Variants in PCDHA1 observed in about 807,000 individuals in gnomAD.
PCDHA1 encodes the protein protocadherin alpha 1.
In PCDHA1, 42 loss-of-function variants were observed where a neutral mutation model predicts 61.3. That is an observed-to-expected ratio of 0.69 (90% CI 0.54 to 0.89). The LOEUF is 0.89. Among genes scored for constraint, PCDHA1 ranks in the 40% least tolerant of loss-of-function variants. The pLI, the probability that PCDHA1 is intolerant of heterozygous loss-of-function variation, is 0.00. For missense variants in PCDHA1, 1,256 were observed against 1,235.3 expected (o/e 1.02, Z -0.25); for synonymous variants, 610 against 553.8 (o/e 1.10, Z -1.43).
intron 1 of PCDHA1, among the ~76,000 whole-genome samples, chr5:140,819,460 C>A (rs898793780): frequency 6.6e-6 from 1 of 152,056 alleles, no homozygotes; most frequent in Non-Finnish European, 1.5e-5. Context: ...CAAGGAAGAA[C>A]TTCTGTTTAC....
intron 1 of PCDHA1, among the ~76,000 whole-genome samples, chr5:140,894,679 C>A (rs1227870690): frequency 6.6e-6 from 1 of 151,682 alleles, no homozygotes; most frequent in African/African-American, 2.4e-5. Context: ...TCTTGCATAG[C>A]TTTTCATTAT....
intron 1 of PCDHA1, chr5:140,854,321 C>A: frequency 3.7e-6 from 1 of 267,696 alleles, no homozygotes; most frequent in Non-Finnish European, 5.7e-6. Context: ...TGATCAATGG[C>A]AAACTTATTT....
At chr5:140,828,774 T>G (rs2150158749) in intron 1 of PCDHA1, 1 of 1,614,198 alleles carries the variant, frequency 6.2e-7, no homozygotes, top group Admixed American at 1.7e-5. Context: ...ACTGTTCAGC[T>G]GCTGGTCACA....
intron 1 of PCDHA1, chr5:140,822,238 G>A: frequency 6.2e-7 from 1 of 1,614,216 alleles, no homozygotes; most frequent in South Asian, 1.1e-5. Flanking sequence ...TCCGCTAGAG[G>A]GCGCGTCGGA....
intron 1 of PCDHA1, chr5:140,830,292 C>T (rs2150184584): frequency 1.2e-6 from 2 of 1,613,712 alleles, no homozygotes; most frequent in Non-Finnish European, 1.7e-6. Flanking sequence ...GCGTGCACGG[C>T]GGACAAGCCC....
chr5:140,985,859 C>T (rs2153837183), intron 3 of PCDHA1, among the ~76,000 whole-genome samples: 1 of 151,736 alleles, frequency 6.6e-6, no homozygotes, highest in African/African-American at 2.4e-5. Context: ...CCTGCCTCAG[C>T]CTCCTGAGTA....
At chr5:140,835,626 C>A (rs782043218) in intron 1 of PCDHA1, 2 of 1,613,880 alleles carry the variant, frequency 1.2e-6, no homozygotes. Context: ...CGCTCTGGAC[C>A]GCGAGAGTGT....
intron 1 of PCDHA1, chr5:140,851,477 T>A: frequency 1.1e-6 from 1 of 890,896 alleles, no homozygotes; most frequent in Non-Finnish European, 1.4e-6. Flanking sequence ...ATAAATGTTA[T>A]AAACACAGCC....
At chr5:140,795,338 A>C (rs1036932666) in intron 1 of PCDHA1, 2 of 1,614,196 alleles carry the variant, frequency 1.2e-6, no homozygotes, top group Non-Finnish European at 1.7e-6. Flanking sequence ...GAGGTGAAGG[A>C]CATTAACGAC....
At chr5:140,855,462 A>C (rs2043478847) in intron 1 of PCDHA1, among the ~76,000 whole-genome samples, 1 of 149,974 alleles carries the variant, frequency 6.7e-6, no homozygotes, top group Admixed American at 6.7e-5. Context: ...AACACCTCAC[A>C]GATAGTTGAT....
intron 1 of PCDHA1, chr5:140,875,686 G>A: frequency 6.2e-7 from 1 of 1,613,582 alleles, no homozygotes; most frequent in Non-Finnish European, 8.5e-7. Flanking sequence ...CAAAAGACAC[G>A]GGGACCTTCT....
intron 1 of PCDHA1, among the ~76,000 whole-genome samples, chr5:140,846,538 C>A (rs553937365): frequency 1.3e-5 from 2 of 148,384 alleles, no homozygotes; most frequent in African/African-American, 4.9e-5. Context: ...CCATGCCCTG[C>A]TAATTTTTTG....
At chr5:140,864,058 A>C (rs993804326) in intron 1 of PCDHA1, 3 of 152,692 alleles carry the variant, frequency 2.0e-5, no homozygotes, top group Non-Finnish European at 1.5e-5. Context: ...TACAGTCACC[A>C]TGAACATTCT....
At chr5:140,991,277 C>G (rs1210642530) in intron 3 of PCDHA1, among the ~76,000 whole-genome samples, 1 of 152,148 alleles carries the variant, frequency 6.6e-6, no homozygotes, top group African/African-American at 2.4e-5. Flanking sequence ...CTGCTGAACT[C>G]TATACACTTA....
At chr5:140,921,988 A>G (rs1182214376) in intron 1 of PCDHA1, among the ~76,000 whole-genome samples, 1 of 152,132 alleles carries the variant, frequency 6.6e-6, no homozygotes, top group Non-Finnish European at 1.5e-5. Flanking sequence ...ACTAAAAAAG[A>G]GTTCAATGAA....
intron 1 of PCDHA1, among the ~76,000 whole-genome samples, chr5:140,960,487 GGTTT>G: frequency 6.6e-6 from 1 of 152,236 alleles, no homozygotes; most frequent in South Asian, 2.1e-4. Context: ...CAGAGGTGTA[GGTTT>G]GTTTGTTCCA....
At chr5:140,824,006 T>C in intron 1 of PCDHA1, 2 of 1,613,804 alleles carry the variant, frequency 1.2e-6, no homozygotes, top group South Asian at 1.1e-5. Context: ...TCCAGCGCGG[T>C]GGGGAGCTGG....
chr5:140,940,643 T>A (rs2092660320), intron 1 of PCDHA1, among the ~76,000 whole-genome samples: 1 of 152,226 alleles, frequency 6.6e-6, no homozygotes, highest in Non-Finnish European at 1.5e-5. Flanking sequence ...TGTCATTTAT[T>A]TATTTAAATA....
intron 1 of PCDHA1, among the ~76,000 whole-genome samples, chr5:140,961,280 C>T (rs246003): frequency 7.2e-5 from 11 of 152,104 alleles, no homozygotes; most frequent in Non-Finnish European, 1.0e-4. Flanking sequence ...TACCATGGCT[C>T]TGTTTCTTGA....
Sources: gnomAD v4.1 joint callset for allele counts (sites outside exome capture counted in the v4.1 genomes callset) on GRCh38, gnomAD v4.1.1 for gene constraint, MANE v1.5 for transcripts, NCBI Gene and HGNC (gene_info 2026-07-23, HGNC 2026-07-21) for gene names.